IL2RA: variants seen among roughly 807,000 people sequenced by gnomAD.
The protein encoded by IL2RA is interleukin-2 receptor subunit alpha.
IL2RA carries 24 observed loss-of-function variants against 37.8 expected under a neutral mutation model. The observed-to-expected ratio is 0.63, with a 90% CI of 0.46 to 0.89. The LOEUF (loss-of-function observed/expected upper bound fraction) is 0.89, where lower values mean the gene tolerates loss of function less well. IL2RA is among the 40% of genes least tolerant of loss of function. The probability of loss-of-function intolerance (pLI) is 0.00; values close to 1 mark genes in which losing one functional copy is unlikely to be tolerated. For synonymous variants in IL2RA, 125 were observed against 114.6 expected, an observed-to-expected ratio of 1.09 and a Z score of -0.58; for missense variants, 319 against 348.6, an observed-to-expected ratio of 0.92 and a Z score of 0.68.
Position 6,054,931 on chromosome 10 carries a change from A to G in IL2RA, c.64+7157T>C, listed in dbSNP as rs903105521. ...AGGCTGGTTTTGAACTCCTGGGCTC[A>G]TGGGATCCTCCTGCCTTGGCCTCCC... is the stretch of plus-strand genomic sequence containing the variant. On this transcript the variant is annotated intron_variant, in intron 1 of 7. Transcript: ENST00000379959. The surrounding 1 kb of genome is among the most constrained non-coding windows in gnomAD (Gnocchi z 4.5). Among the ~76,000 whole-genome samples the G allele has an allele frequency of 1.3e-5, 2 of 152,116 alleles. No homozygotes were observed. The highest frequency in any genetic ancestry group is 2.4e-5 in the African/African-American group (1 of 41,424).
At position 6,054,756 on chromosome 10, in the gene IL2RA, T is replaced by C. The variant is rs1840016853; in HGVS notation, c.64+7332A>G. 6.6e-6 allele frequency among the ~76,000 whole-genome samples: 1 copy of C among 152,186 alleles called. No individual in the cohort carries two copies. Among genetic ancestry groups the C allele is most frequent in the Non-Finnish European group, 1.5e-5 (1 of 68,028 alleles). The stretch of plus-strand genomic sequence containing the variant: ...CCAGGGCCACCTTCTCTGAGAATTT[T>C]TTTTCTAGTTCTCCAGGTAGCATGT... On this transcript the variant is annotated intron_variant, in intron 1 of 7. Coordinates refer to ENST00000379959, the MANE Select transcript of IL2RA (RefSeq NM_000417.3). The surrounding 1 kb of genome is among the most constrained non-coding windows in gnomAD (Gnocchi z 4.5).
Position 6,012,844 on chromosome 10 carries a change from AC to A in IL2RA, c.*27del. The stretch of plus-strand genomic sequence containing the variant: ...TTCTGTTGTCTGTTCCCGGCTTCTT[AC>A]CAAGAAATTCTTGTTCTTTTGGTTT... On this transcript the variant is annotated 3_prime_UTR_variant, in exon 8 of 8. Transcript: ENST00000379959. This position sits in a 1 kb window ranked among gnomAD's most constrained non-coding sequence, Gnocchi z 4.8. 2 of 1,611,764 alleles carry A rather than the reference AC, an allele frequency of 1.2e-6. No individual in the cohort carries two copies. Among genetic ancestry groups the A allele is most frequent in the African/African-American group, 2.7e-5 (2 of 75,006 alleles).
chr10:6,034,850 T>C (rs962955263), intron 1 of IL2RA, among the ~76,000 whole-genome samples: 1 of 152,214 alleles, frequency 6.6e-6, no homozygotes, highest in Non-Finnish European at 1.5e-5. Context: ...CCAAGGGACC[T>C]GGGAGCTTGG....
rs568915385 is a variant in IL2RA at position 6,058,805 on chromosome 10, C to A, written c.64+3283G>T. 3.3e-5 allele frequency among the ~76,000 whole-genome samples: 5 copies of A among 152,244 alleles called. No homozygotes were observed. In the South Asian group the frequency reaches 6.2e-4, roughly 19 times the overall value. On this transcript the variant is annotated intron_variant, in intron 1 of 7. Coordinates refer to ENST00000379959, the MANE Select transcript of IL2RA (RefSeq NM_000417.3). The surrounding 1 kb of genome is among the most constrained non-coding windows in gnomAD (Gnocchi z 4.2). Reference sequence around the variant, plus strand: ...GTTCTGAGAAAGGTGCCTTCAATAACGTGCCATATTGGTAATACCAGGAGA... The same window carrying A: ...GTTCTGAGAAAGGTGCCTTCAATAAAGTGCCATATTGGTAATACCAGGAGA...
At chr10:6,031,541 A>G (rs1401863248) in intron 1 of IL2RA, among the ~76,000 whole-genome samples, 6 of 136,620 alleles carry the variant, frequency 4.4e-5, no homozygotes, top group Admixed American at 2.2e-4. Context: ...TATCACTTGT[A>G]GTTAGTTCTA....
chr10:6,023,219 A>T (rs1348970805), intron 3 of IL2RA, among the ~76,000 whole-genome samples: 2 of 152,212 alleles, frequency 1.3e-5, no homozygotes, highest in African/African-American at 4.8e-5. Flanking sequence ...ATGGTATCTG[A>T]TACAGTTCTT....
At chr10:6,038,382 G>T (rs1839722458) in intron 1 of IL2RA, among the ~76,000 whole-genome samples, 1 of 152,128 alleles carries the variant, frequency 6.6e-6, no homozygotes, top group African/African-American at 2.4e-5. Context: ...CTCCATTTGG[G>T]GTTATCTATA....
chr10:6,026,056 C>T, intron 1 of IL2RA, 31 bp from the exon 2 acceptor site: 1 of 1,602,028 alleles, frequency 6.2e-7, no homozygotes. Flanking sequence ...ATTAGGAACT[C>T]AAGAGGCCCC....
chr10:6,059,145 C>T lies in IL2RA; in HGVS notation c.64+2943G>A, dbSNP rs541456482. ...ATTCCTGTTGATTCCAGAAACTTGA[C>T]CCCTGTCATTGTCTTTGGCCACTGG... On this transcript the variant is annotated intron_variant, in intron 1 of 7. Coordinates refer to ENST00000379959, the MANE Select transcript of IL2RA (RefSeq NM_000417.3). Among the ~76,000 whole-genome samples the T allele has an allele frequency of 7.9e-5, 12 of 152,310 alleles. No individual in the cohort carries two copies. The East Asian group carries it at 2.3e-3, about 29-fold the overall frequency.
At position 6,018,250 on chromosome 10, in the gene IL2RA, C is replaced by A; in HGVS notation, c.728-131G>T. ...GGAGGCTGCAGCCTCTCTTCCCTGT[C>A]TCAGGAAGTAGGTCCCTCCCCATGG... On this transcript the variant is annotated intron_variant, in intron 6 of 7. Transcript: ENST00000379959. This position sits in a 1 kb window ranked among gnomAD's most constrained non-coding sequence, Gnocchi z 5.1. The A allele has an allele frequency of 5.5e-6, 4 of 722,582 alleles. No homozygotes were observed. The highest frequency in any genetic ancestry group is 7.6e-6 in the Non-Finnish European group (3 of 396,812). The allele number at this position is 722,582 out of a possible 1,614,324, so 44.8% of individuals were successfully genotyped here.
rs1839460811 is a variant in IL2RA, at chr10:6,025,235, T to C, written c.256+599A>G. On this transcript the variant is annotated intron_variant, in intron 2 of 7. Transcript: ENST00000379959. The surrounding 1 kb of genome is among the most constrained non-coding windows in gnomAD (Gnocchi z 4.4). ...CAGGCATGGTGGTGCACACCTGTAG[T>C]CCCAGCTACTTGGGCAGCTGTGGCA... Among the ~76,000 whole-genome samples the C allele has an allele frequency of 6.6e-6, 1 of 151,710 alleles. No homozygotes were observed. The highest frequency in any genetic ancestry group is 6.6e-5 in the Admixed American group (1 of 15,220).
Position 6,056,080 on chromosome 10 carries a change from C to G in IL2RA, c.64+6008G>C, listed in dbSNP as rs1372466994. ...TGAGTAATCTTAGAGTGGAGAATACCTAAAATTTCTAGAGACAATTATATT... is the reference window on the plus strand; with the variant it reads ...TGAGTAATCTTAGAGTGGAGAATACGTAAAATTTCTAGAGACAATTATATT... On this transcript the variant is annotated intron_variant, in intron 1 of 7. Transcript: ENST00000379959. The surrounding 1 kb of genome is among the most constrained non-coding windows in gnomAD (Gnocchi z 5.0). 6.6e-6 allele frequency among the ~76,000 whole-genome samples: 1 copy of G among 152,094 alleles called. No homozygotes were observed. The highest frequency in any genetic ancestry group is 1.5e-5 in the Non-Finnish European group (1 of 68,022).
chr10:6,056,360 A>G lies in IL2RA; in HGVS notation c.64+5728T>C, dbSNP rs1211180574. On this transcript the variant is annotated intron_variant, in intron 1 of 7. Transcript: ENST00000379959. This position sits in a 1 kb window ranked among gnomAD's most constrained non-coding sequence, Gnocchi z 5.0. ...ATGTGCAGATGTGCAGGGAATATTGAACTGAAATTTAAGAGGGCTGGATTC... is the reference window on the plus strand; with the variant it reads ...ATGTGCAGATGTGCAGGGAATATTGGACTGAAATTTAAGAGGGCTGGATTC... Among the ~76,000 whole-genome samples, 3 of 152,226 alleles carry G rather than the reference A, an allele frequency of 2.0e-5. No individual in the cohort carries two copies. In the South Asian group the frequency reaches 6.2e-4, roughly 31 times the overall value.
rs1839308215 is a variant in IL2RA at position 6,018,075 on chromosome 10, C to T, written c.772G>A (p.Gly258Arg). Residue 258 changes from glycine (G) to arginine (R), a missense_variant, in exon 7 of 8, where the codon GGG becomes AGG. Coordinates refer to ENST00000379959, the MANE Select transcript of IL2RA (RefSeq NM_000417.3). The surrounding 1 kb of genome is among the most constrained non-coding windows in gnomAD (Gnocchi z 5.1). ...TACTGTCTCCGCTGCCAGGTGAGCC[C>T]ACTCAGGAGGAGGACGCTGATCAGC... ...FLLISVLLLS[G>R]LTWQRRQRKS... 1 of 1,614,002 alleles carries T rather than the reference C, an allele frequency of 6.2e-7. No individual in the cohort carries two copies. The highest frequency in any genetic ancestry group is 8.5e-7 in the Non-Finnish European group (1 of 1,179,950).
rs147981607 is a variant in IL2RA, at chr10:6,022,386, G to A, written c.368-693C>T. ...TTCCACTCACCCAACTACATCCCAG[G>A]CCTGACGGACCTGTGGCCTGAGACC... is the stretch of plus-strand genomic sequence containing the variant. On this transcript the variant is annotated intron_variant, in intron 3 of 7. Coordinates refer to ENST00000379959, the MANE Select transcript of IL2RA (RefSeq NM_000417.3). This position sits in a 1 kb window ranked among gnomAD's most constrained non-coding sequence, Gnocchi z 4.7. Among the ~76,000 whole-genome samples, 3 of 152,298 alleles carry A rather than the reference G, an allele frequency of 2.0e-5. No individual in the cohort carries two copies. The highest frequency in any genetic ancestry group is 3.9e-4 in the East Asian group (2 of 5,184).
Position 6,054,869 on chromosome 10 carries a change from A to T in IL2RA, c.64+7219T>A, listed in dbSNP as rs768852828. 3.3e-5 allele frequency among the ~76,000 whole-genome samples: 5 copies of T among 150,910 alleles called. No homozygotes were observed. The highest frequency in any genetic ancestry group is 5.9e-5 in the Non-Finnish European group (4 of 67,666). ...CCCAGATTGGTTTTCCCTTTTTCTA[A>T]TTTTTTTTTAAGAGGCAGAGTCTCA... On this transcript the variant is annotated intron_variant, in intron 1 of 7. Transcript: ENST00000379959. This position sits in a 1 kb window ranked among gnomAD's most constrained non-coding sequence, Gnocchi z 4.5.
chr10:6,029,131 TA>T lies in IL2RA; in HGVS notation c.65-3107del, dbSNP rs1264141168. Among the ~76,000 whole-genome samples the T allele has an allele frequency of 0.1, 231 of 2,216 alleles. 2 individuals are homozygous for T. The highest frequency in any genetic ancestry group is 0.31 in the Admixed American group (117 of 380). The allele number at this position is 2,216 out of a possible 152,430, so 1.5% of individuals were successfully genotyped here. On this transcript the variant is annotated intron_variant, in intron 1 of 7. Coordinates refer to ENST00000379959, the MANE Select transcript of IL2RA (RefSeq NM_000417.3). The surrounding 1 kb of genome is among the most constrained non-coding windows in gnomAD (Gnocchi z 4.6). ...CCTGCAGATTTGCTGCCATTTATTT[TA>T]TTTATTTATTTATTTATTTATTTAT...
At chr10:6,032,563 T>C (rs749457671) in intron 1 of IL2RA, among the ~76,000 whole-genome samples, 7 of 151,898 alleles carry the variant, frequency 4.6e-5, no homozygotes, top group Non-Finnish European at 8.8e-5. Flanking sequence ...TGTGGTGGTG[T>C]GCGCCTGTAG....
At chr10:6,019,123 C>T (rs542816766) in intron 6 of IL2RA, among the ~76,000 whole-genome samples, 34 of 151,658 alleles carry the variant, frequency 2.2e-4, no homozygotes, top group Non-Finnish European at 3.8e-4. Flanking sequence ...TATCAACTTG[C>T]CAACCAACCT....
Sources: allele counts gnomAD v4.1 joint callset (sites outside exome capture counted in the v4.1 genomes callset), GRCh38; gene constraint gnomAD v4.1.1; non-coding constraint Gnocchi (gnomAD v3.1); transcripts MANE v1.5; gene names NCBI Gene and HGNC (gene_info 2026-07-23, HGNC 2026-07-21).